Variants in CDC40 observed in about 807,000 individuals in gnomAD.
CDC40 encodes pre-mRNA-processing factor 17.
In CDC40, 27 loss-of-function variants were observed where a neutral mutation model predicts 80.6. The observed-to-expected ratio is 0.33, with a 90% CI of 0.25 to 0.46. The LOEUF (loss-of-function observed/expected upper bound fraction) is 0.46, where lower values mean the gene tolerates loss of function less well. Ranked by LOEUF, CDC40 falls within the 20% of genes least tolerant of loss-of-function variation. The pLI is 1.00. For missense variants in CDC40, 486 were observed against 694.1 expected (o/e 0.70, Z 3.37); for synonymous variants, 221 against 232.6 (o/e 0.95, Z 0.45).
chr6:110,194,779 T>C (rs1248706535), intron 2 of CDC40, among the ~76,000 whole-genome samples: 1 of 152,248 alleles, frequency 6.6e-6, no homozygotes, highest in Non-Finnish European at 1.5e-5. Flanking sequence ...GGAAGCATTC[T>C]GATATGTAAC....
intron 5 of CDC40, among the ~76,000 whole-genome samples, chr6:110,209,788 G>C (rs1010543634): frequency 6.6e-6 from 1 of 152,092 alleles, no homozygotes; most frequent in Non-Finnish European, 1.5e-5. Flanking sequence ...ACCTCATGAA[G>C]CTTATATTCT....
At chr6:110,205,830 A>G (rs1030942478) in intron 3 of CDC40, among the ~76,000 whole-genome samples, 4 of 152,176 alleles carry the variant, frequency 2.6e-5, no homozygotes, top group African/African-American at 9.7e-5. Flanking sequence ...TTTTTTGGAA[A>G]AAGTTATGTG....
At chr6:110,224,372 T>G (rs1226993761) in intron 12 of CDC40, 1 of 151,938 alleles carries the variant, frequency 6.6e-6, no homozygotes, top group Admixed American at 6.6e-5. Context: ...AGTGCTGTGT[T>G]TGTTTGTTTG....
chr6:110,209,535 G>T (rs1360565347), intron 5 of CDC40, among the ~76,000 whole-genome samples: 3 of 152,002 alleles, frequency 2.0e-5, no homozygotes, highest in African/African-American at 7.2e-5. Context: ...TAGACATTCA[G>T]ATAGTAACTA....
intron 2 of CDC40, among the ~76,000 whole-genome samples, chr6:110,195,759 G>A (rs922431371): frequency 9.2e-5 from 14 of 152,118 alleles, no homozygotes; most frequent in African/African-American, 2.7e-4. Flanking sequence ...AATCATAAAA[G>A]ATCTAAAGAA....
intron 3 of CDC40, among the ~76,000 whole-genome samples, chr6:110,203,784 T>G (rs993150416): frequency 6.6e-5 from 10 of 152,170 alleles, no homozygotes; most frequent in Admixed American, 2.6e-4. Flanking sequence ...TCTCCTGACT[T>G]CTCAGCCCCT....
intron 2 of CDC40, among the ~76,000 whole-genome samples, chr6:110,194,440 A>G (rs917327081): frequency 6.6e-6 from 1 of 152,222 alleles, no homozygotes; most frequent in Admixed American, 6.5e-5. Flanking sequence ...AGGTTTCTGT[A>G]TTCACTTAAA....
intron 1 of CDC40, among the ~76,000 whole-genome samples, chr6:110,181,027 G>A (rs983913536): frequency 1.3e-5 from 2 of 152,176 alleles, no homozygotes; most frequent in African/African-American, 4.8e-5. Flanking sequence ...TTCTAATCCT[G>A]GCACCACCAC....
In CDC40 at chr6:110,219,431, T is replaced by C. The variant is rs199783657; in HGVS notation, c.1158T>C (p.Asp386=). 6.2e-7 allele frequency: 1 copy of C among 1,610,916 alleles called. No homozygotes were observed. The highest frequency in any genetic ancestry group is 1.1e-5 in the South Asian group (1 of 90,982). The part of the protein sequence containing the change: ...PYCVKFNPDE[D]KQNLFVAGMS... ...GTGTCAAATTCAATCCTGATGAAGATAAGCAAAATCTCTTTGTGGCTGGGA... is the reference window on the plus strand; with the variant it reads ...GTGTCAAATTCAATCCTGATGAAGACAAGCAAAATCTCTTTGTGGCTGGGA... The change falls in exon 11 of 15, where the codon GAT becomes GAC. Residue 386 remains aspartate, a synonymous_variant. Transcript: ENST00000307731.
At chr6:110,224,768 C>T (rs1407001334) in intron 12 of CDC40, among the ~76,000 whole-genome samples, 2 of 152,202 alleles carry the variant, frequency 1.3e-5, no homozygotes, top group Non-Finnish European at 2.9e-5. Context: ...AGTTCAAATT[C>T]TTCTTCCACA....
At chr6:110,222,481 C>T (rs989464597) in intron 12 of CDC40, among the ~76,000 whole-genome samples, 5 of 151,858 alleles carry the variant, frequency 3.3e-5, no homozygotes, top group South Asian at 2.1e-4. Context: ...CGCTTGAACC[C>T]GGGAGGTGGA....
At chr6:110,222,080 A>C (rs948892282) in intron 12 of CDC40, among the ~76,000 whole-genome samples, 4 of 151,356 alleles carry the variant, frequency 2.6e-5, no homozygotes, top group Admixed American at 1.3e-4. Flanking sequence ...ACATTGTAAA[A>C]CCCCATCTCT....
At chr6:110,219,220 G>T in intron 10 of CDC40, 144 bp from the exon 11 acceptor site, 1 of 449,264 alleles carries the variant, frequency 2.2e-6, no homozygotes, top group Non-Finnish European at 3.9e-6. Flanking sequence ...CTGTGAAAAA[G>T]AACAAATGTA....
At chr6:110,223,514 A>G (rs1777805032) in intron 12 of CDC40, among the ~76,000 whole-genome samples, 1 of 152,164 alleles carries the variant, frequency 6.6e-6, no homozygotes, top group Non-Finnish European at 1.5e-5. Context: ...TTCACTGCAT[A>G]AATCATCCCA....
At chr6:110,204,105 T>C (rs898326776) in intron 3 of CDC40, among the ~76,000 whole-genome samples, 4 of 152,092 alleles carry the variant, frequency 2.6e-5, no homozygotes, top group African/African-American at 9.7e-5. Context: ...CTCCGCCTCC[T>C]GGGTTCAACG....
Position 110,229,947 on chromosome 6 carries a change from A to G in CDC40, c.1563-7A>G, listed in dbSNP as rs2114676524. ...ATAATTTGAATTTATCTTTCTTCCC[A>G]TTATAGTTATGTGATTTCAGGAGAT... On this transcript the variant is annotated splice_region_variant and splice_polypyrimidine_tract_variant and intron_variant, in intron 14 of 14. Transcript: ENST00000307731. The G allele has an allele frequency of 1.9e-6, 3 of 1,580,050 alleles. No individual in the cohort carries two copies. The highest frequency in any genetic ancestry group is 4.5e-5 in the East Asian group (2 of 44,656).
At chr6:110,185,387 C>T (rs1377348436) in intron 1 of CDC40, among the ~76,000 whole-genome samples, 1 of 150,354 alleles carries the variant, frequency 6.7e-6, no homozygotes, top group Admixed American at 6.6e-5. Flanking sequence ...GGACTACAGG[C>T]GCCCGCCACT....
rs771751370 is a variant in CDC40 at position 110,212,140 on chromosome 6, A to C, written c.735A>C (p.Glu245Asp). The stretch of plus-strand genomic sequence containing the variant: ...TTTGCCTTTTTGTTTCAGTTAAAGA[A>C]ATGTATGACTATCAAGGCAGGTCCT... ...GEEKTILHVK[E>D]MYDYQGRSYL... The change falls in exon 7 of 15, where the codon GAA becomes GAC. Residue 245 changes from glutamate (E) to aspartate (D), a missense_variant. By Grantham distance (45) the Glu-to-Asp change is conservative. Around this residue, in one of 3 missense-constraint regions of CDC40, gnomAD observed 381 missense variants for 492.1 expected, o/e 0.77. Coordinates refer to ENST00000307731, the MANE Select transcript of CDC40 (RefSeq NM_015891.3). The C allele has an allele frequency of 6.2e-7, 1 of 1,612,344 alleles. No individual in the cohort carries two copies. The highest frequency in any genetic ancestry group is 8.5e-7 in the Non-Finnish European group (1 of 1,179,016).
chr6:110,214,184 T>C (rs2114665946), intron 8 of CDC40, among the ~76,000 whole-genome samples: 1 of 152,342 alleles, frequency 6.6e-6, no homozygotes, highest in South Asian at 2.1e-4. Context: ...CCCATTTTAC[T>C]TAACTTTTAC....
Sources: allele counts gnomAD v4.1 joint callset (sites outside exome capture counted in the v4.1 genomes callset), GRCh38; gene constraint gnomAD v4.1.1; regional missense constraint gnomAD v4.1.1; transcripts MANE v1.5; gene names NCBI Gene and HGNC (gene_info 2026-07-23, HGNC 2026-07-21).